The following DENND1A variants were observed in gnomAD, a reference collection of about 807,000 sequenced individuals.
DENND1A encodes DENN domain containing 1A, also known as DENN domain-containing protein 1A.
Under a neutral mutation model 113.7 loss-of-function variants are expected in DENND1A, and 51 were observed. That is an observed-to-expected ratio of 0.45 (90% CI 0.36 to 0.57). The LOEUF is 0.57. Ranked by LOEUF, DENND1A falls within the 20% of genes least tolerant of loss-of-function variation. DENND1A has a pLI of 0.00. For synonymous variants in DENND1A, 565 were observed against 570.8 expected, an observed-to-expected ratio of 0.99 and a Z score of 0.14; for missense variants, 1,258 against 1,395.9, an observed-to-expected ratio of 0.90 and a Z score of 1.57.
intron 20 of DENND1A, 23 bp from the exon 21 acceptor site, chr9:123,403,513 G>A: frequency 6.2e-7 from 1 of 1,607,288 alleles, no homozygotes; most frequent in East Asian, 2.2e-5. Context: ...CAGGGGGAGA[G>A]CCCCAAGAAG....
At chr9:123,546,275 G>C (rs768682863) in intron 13 of DENND1A, among the ~76,000 whole-genome samples, 2 of 152,070 alleles carry the variant, frequency 1.3e-5, no homozygotes, top group Admixed American at 6.5e-5. Flanking sequence ...TTGGCCGGGC[G>C]AGGTGGCTCA....
At chr9:123,634,511 C>CTA (rs1310817261) in intron 9 of DENND1A, among the ~76,000 whole-genome samples, 4 of 152,176 alleles carry the variant, frequency 2.6e-5, no homozygotes, top group African/African-American at 9.7e-5. Flanking sequence ...TAAAATAACT[C>CTA]TAAACTCTGT....
intron 12 of DENND1A, among the ~76,000 whole-genome samples, chr9:123,568,223 G>A (rs999239189): frequency 9.9e-5 from 15 of 152,202 alleles, no homozygotes; most frequent in Admixed American, 8.5e-4. Context: ...GGCTCAGCCC[G>A]ACCTGAGTTC....
intron 2 of DENND1A, among the ~76,000 whole-genome samples, chr9:123,863,986 A>C (rs995989225): frequency 2.7e-5 from 4 of 149,860 alleles, no homozygotes; most frequent in African/African-American, 7.4e-5. Context: ...ATATTGCTTC[A>C]CTCAAAAAAA....
At chr9:123,657,015 G>A (rs2062984647) in intron 8 of DENND1A, among the ~76,000 whole-genome samples, 1 of 152,160 alleles carries the variant, frequency 6.6e-6, no homozygotes, top group Non-Finnish European at 1.5e-5. Flanking sequence ...ACTCTCTAGG[G>A]CTGGGTAGCA....
chr9:123,541,526 T>C (rs1173694484), intron 13 of DENND1A, among the ~76,000 whole-genome samples: 1 of 152,180 alleles, frequency 6.6e-6, no homozygotes, highest in Admixed American at 6.5e-5. Context: ...AGTAGGAATA[T>C]GAGCAAAGAA....
Position 123,380,704 on chromosome 9 carries a change from G to A in DENND1A, c.*728C>T, listed in dbSNP as rs181725058. ...GCTCCTCCCAAAATACTCAGATGGG[G>A]GTTTCCATTTTCCTTCTATAAATCA... On this transcript the variant is annotated 3_prime_UTR_variant, in exon 24 of 24. Transcript: ENST00000394215. The A allele has an allele frequency of 6.6e-5, 10 of 150,976 alleles. No homozygotes were observed. Among genetic ancestry groups the A allele is most frequent in the African/African-American group, 2.2e-4 (9 of 40,650 alleles). 9.4% of individuals were successfully genotyped at this position (150,976 alleles called of 1,614,324 possible). A position where few individuals can be genotyped will look rare whatever the true frequency, so the allele number is the denominator to read the frequency against.
chr9:123,475,751 G>A (rs1411134863), intron 13 of DENND1A, among the ~76,000 whole-genome samples: 7 of 152,274 alleles, frequency 4.6e-5, no homozygotes, highest in African/African-American at 1.7e-4. Flanking sequence ...AGAGACTAAT[G>A]ATTGTTTTAA....
chr9:123,855,337 A>C (rs1843998591), intron 2 of DENND1A, among the ~76,000 whole-genome samples: 1 of 149,902 alleles, frequency 6.7e-6, no homozygotes, highest in Admixed American at 6.6e-5. Context: ...AGGGGGAAGC[A>C]AGGGTAGACA....
At chr9:123,474,598 G>A (rs2049747963) in intron 13 of DENND1A, among the ~76,000 whole-genome samples, 2 of 152,168 alleles carry the variant, frequency 1.3e-5, no homozygotes, top group African/African-American at 2.4e-5. Context: ...TTGATAAGGT[G>A]GGAAACTGTC....
intron 13 of DENND1A, among the ~76,000 whole-genome samples, chr9:123,469,583 A>G (rs1264927904): frequency 6.6e-6 from 1 of 152,228 alleles, no homozygotes; most frequent in Non-Finnish European, 1.5e-5. Context: ...ATGAGCTGGG[A>G]GGCCTGTGGA....
At chr9:123,500,754 T>A (rs1279388112) in intron 13 of DENND1A, among the ~76,000 whole-genome samples, 1 of 152,164 alleles carries the variant, frequency 6.6e-6, no homozygotes, top group Non-Finnish European at 1.5e-5. Context: ...ACACAATGAA[T>A]TGAATGCAAA....
chr9:123,588,640 G>A lies in DENND1A; in HGVS notation c.766-5370C>T, dbSNP rs963517713. Among the ~76,000 whole-genome samples the A allele has an allele frequency of 1.7e-4, 22 of 131,636 alleles. 2 individuals carry two copies. The highest frequency in any genetic ancestry group is 4.4e-4 in the African/African-American group (16 of 36,428). 86.4% of individuals were successfully genotyped at this position (131,636 alleles called of 152,430 possible). A position where few individuals can be genotyped will look rare whatever the true frequency, so the allele number is the denominator to read the frequency against. On this transcript the variant is annotated intron_variant, in intron 11 of 23. Coordinates refer to ENST00000394215, the MANE Select transcript of DENND1A (RefSeq NM_001352964.2). The stretch of plus-strand genomic sequence containing the variant: ...CATCTCAAAAAAAAAAAAAGGGGGG[G>A]GGGGAAGAGAAAAGTTTAAAGAAGA...
At chr9:123,735,907 G>C (rs1310216449) in intron 5 of DENND1A, among the ~76,000 whole-genome samples, 2 of 152,148 alleles carry the variant, frequency 1.3e-5, no homozygotes, top group African/African-American at 2.4e-5. Flanking sequence ...GCTGTGGTGG[G>C]AGAATTGCTT....
At chr9:123,570,283 A>G (rs745646140) in intron 12 of DENND1A, among the ~76,000 whole-genome samples, 2 of 152,244 alleles carry the variant, frequency 1.3e-5, no homozygotes, top group Non-Finnish European at 2.9e-5. Flanking sequence ...AACTAGAAAC[A>G]TCCAGAGTCT....
chr9:123,821,375 A>T (rs1213665216), intron 2 of DENND1A, among the ~76,000 whole-genome samples: 3 of 152,204 alleles, frequency 2.0e-5, no homozygotes, highest in Non-Finnish European at 4.4e-5. Flanking sequence ...AAAATGAAAA[A>T]AAATTATGTG....
At chr9:123,580,737 A>C (rs1461616987) in intron 12 of DENND1A, among the ~76,000 whole-genome samples, 1 of 152,230 alleles carries the variant, frequency 6.6e-6, no homozygotes, top group Non-Finnish European at 1.5e-5. Context: ...AACTCAAATT[A>C]TAGCTAGTAG....
At position 123,485,656 on chromosome 9, in the gene DENND1A, GCACACACACACA is replaced by G. The variant is rs77062893; in HGVS notation, c.994-27771_994-27760del. On this transcript the variant is annotated intron_variant, in intron 13 of 23. Transcript: ENST00000394215. ...TGCGCGTACACACACGCGCGCGCGC[GCACACACACACA>G]CACACACACACACACACACACACGC... The G allele has an allele frequency of 6.3e-3, 893 of 141,006 alleles. 4 individuals carry two copies. The highest frequency in any genetic ancestry group is 9.0e-3 in the Non-Finnish European group (594 of 66,188). The allele number at this position is 141,006 out of a possible 1,614,324, so 8.7% of individuals were successfully genotyped here.
In DENND1A at chr9:123,557,591, T is replaced by C. The variant is rs2057493039; in HGVS notation, c.972A>G (p.Arg324=). Residue 324 remains arginine (R), a synonymous_variant, in exon 13 of 24, where the codon CGA becomes CGG. Coordinates refer to ENST00000394215, the MANE Select transcript of DENND1A (RefSeq NM_001352964.2). The part of the protein sequence containing the change: ...KAQAAFFGSY[R]NALKIEPEEP... Reference sequence around the variant, plus strand: ...TCACCGGCTCGATTTTCAGAGCGTTTCGGTAGCTACCGAAGAAAGCAGCCT... The same window carrying C: ...TCACCGGCTCGATTTTCAGAGCGTTCCGGTAGCTACCGAAGAAAGCAGCCT... 4 of 1,613,884 alleles carry C rather than the reference T, an allele frequency of 2.5e-6. No homozygotes were observed. The Admixed American group carries it at 5.0e-5, about 20-fold the overall frequency.
Sources: allele counts gnomAD v4.1 joint callset (sites outside exome capture counted in the v4.1 genomes callset), GRCh38; gene constraint gnomAD v4.1.1; transcripts MANE v1.5; gene names NCBI Gene and HGNC (gene_info 2026-07-23, HGNC 2026-07-21).